MGAT5: variants seen among roughly 807,000 people sequenced by gnomAD.
The protein encoded by MGAT5 is alpha-1,6-mannosylglycoprotein 6-beta-N-acetylglucosaminyltransferase, also known as alpha-1,6-mannosylglycoprotein 6-beta-N-acetylglucosaminyltransferase A.
Under a neutral mutation model 94.3 loss-of-function variants are expected in MGAT5, and 30 were observed. That is an observed-to-expected ratio of 0.32 (90% CI 0.24 to 0.43). The LOEUF is 0.43. Among genes scored for constraint, MGAT5 ranks in the 20% least tolerant of loss-of-function variants. MGAT5 has a pLI of 1.00. For synonymous variants in MGAT5, 310 were observed against 322.9 expected (o/e 0.96, Z 0.43); for missense variants, 691 against 905.5 (o/e 0.76, Z 3.04).
At chr2:134,234,599 C>G (rs1681537605) in intron 1 of MGAT5, among the ~76,000 whole-genome samples, 1 of 150,836 alleles carries the variant, frequency 6.6e-6, no homozygotes, top group Non-Finnish European at 1.5e-5. Flanking sequence ...TTTCTGGATT[C>G]TGAGGCCTGC....
At chr2:134,253,164 C>A (rs1682720858), upstream of MGAT5, 1 of 152,228 alleles carries the variant, frequency 6.6e-6, no homozygotes, top group African/African-American at 2.4e-5. Flanking sequence ...CTTCAAGATC[C>A]TGCTACCATT....
At chr2:134,283,286 A>T (rs1684812313) in intron 2 of MGAT5, among the ~76,000 whole-genome samples, 1 of 133,828 alleles carries the variant, frequency 7.5e-6, no homozygotes, top group Admixed American at 7.4e-5. Context: ...GTGTCTGTGG[A>T]GGGAGGGCTG....
intron 2 of MGAT5, among the ~76,000 whole-genome samples, chr2:134,289,611 T>C (rs1448156133): frequency 6.6e-6 from 1 of 152,220 alleles, no homozygotes; most frequent in African/African-American, 2.4e-5. Flanking sequence ...ATCTTGGAAA[T>C]CCAGTTTCCT....
intron 10 of MGAT5, among the ~76,000 whole-genome samples, chr2:134,381,313 C>A (rs1416200670): frequency 8.6e-6 from 1 of 116,516 alleles, no homozygotes; most frequent in African/African-American, 3.0e-5. Context: ...GCCTGGGCAG[C>A]ATAGCAAGAC....
intron 1 of MGAT5, among the ~76,000 whole-genome samples, chr2:134,243,829 G>C (rs988639567): frequency 1.3e-5 from 2 of 152,186 alleles, no homozygotes; most frequent in Non-Finnish European, 2.9e-5. Context: ...CCCAGCCGGT[G>C]CTCCTCCCGA....
intron 12 of MGAT5, among the ~76,000 whole-genome samples, chr2:134,416,851 C>A (rs1275484691): frequency 1.3e-5 from 2 of 151,476 alleles, no homozygotes; most frequent in African/African-American, 4.9e-5. Flanking sequence ...GTGATCCCCC[C>A]CACCTCAGCC....
chr2:134,319,678 G>T, intron 4 of MGAT5: 1 of 328,928 alleles, frequency 3.0e-6, no homozygotes, highest in Non-Finnish European at 6.0e-6. Flanking sequence ...TTATCTTCAG[G>T]TCCTCTATGC....
At chr2:134,259,235 C>G (rs1395978311) in intron 1 of MGAT5, among the ~76,000 whole-genome samples, 1 of 151,978 alleles carries the variant, frequency 6.6e-6, no homozygotes, top group Non-Finnish European at 1.5e-5. Flanking sequence ...GCAGGTCAGC[C>G]CCATCTGCAT....
At chr2:134,125,905 T>C (rs986559021) in intron 1 of MGAT5, among the ~76,000 whole-genome samples, 3 of 152,240 alleles carry the variant, frequency 2.0e-5, no homozygotes, top group Admixed American at 1.3e-4. Context: ...TTCACTCTTA[T>C]TAATTCTCTG....
chr2:134,325,414 A>G (rs2105928394), intron 4 of MGAT5, among the ~76,000 whole-genome samples: 2 of 152,244 alleles, frequency 1.3e-5, no homozygotes, highest in Non-Finnish European at 2.9e-5. Flanking sequence ...ATGTACTACA[A>G]AAGAGTTTAA....
intron 1 of MGAT5, among the ~76,000 whole-genome samples, chr2:134,181,754 G>C (rs1213682869): frequency 6.6e-6 from 1 of 152,068 alleles, no homozygotes; most frequent in African/African-American, 2.4e-5. Flanking sequence ...CCACATGAAA[G>C]CTAATTTGGA....
At chr2:134,281,924 AAGG>A (rs1684722848) in intron 2 of MGAT5, among the ~76,000 whole-genome samples, 1 of 152,244 alleles carries the variant, frequency 6.6e-6, no homozygotes, top group Admixed American at 6.5e-5. Flanking sequence ...GGGTCGAGGC[AAGG>A]AGAAGATTAG....
intron 1 of MGAT5, among the ~76,000 whole-genome samples, chr2:134,222,910 T>C (rs1450369549): frequency 1.3e-5 from 2 of 152,198 alleles, no homozygotes; most frequent in East Asian, 1.9e-4. Flanking sequence ...GTTAAGCTAC[T>C]GTAAGCTTGG....
intron 1 of MGAT5, among the ~76,000 whole-genome samples, chr2:134,121,156 C>T (rs1377108383): frequency 6.6e-6 from 1 of 152,182 alleles, no homozygotes; most frequent in Non-Finnish European, 1.5e-5. Context: ...CTGGCCCCTG[C>T]CTCGCCTCAG....
intron 1 of MGAT5, among the ~76,000 whole-genome samples, chr2:134,155,807 GTTCT>G (rs1687446450): frequency 6.6e-6 from 1 of 151,984 alleles, no homozygotes. Flanking sequence ...TGCACATGGT[GTTCT>G]TTTTCTGAGA....
At chr2:134,447,061 A>G (rs1685825489) in intron 15 of MGAT5, among the ~76,000 whole-genome samples, 1 of 152,236 alleles carries the variant, frequency 6.6e-6, no homozygotes, top group Non-Finnish European at 1.5e-5. Flanking sequence ...ACATACACAT[A>G]CACATATGCA....
At chr2:134,424,479 C>T (rs1020774459) in intron 13 of MGAT5, among the ~76,000 whole-genome samples, 4 of 152,120 alleles carry the variant, frequency 2.6e-5, no homozygotes, top group Non-Finnish European at 4.4e-5. Context: ...CTCAGGAGAC[C>T]GAGCTGATAA....
rs1232670793 is a variant in MGAT5, at chr2:134,130,269, CCCACACCCT to C, written c.-143+9979_-143+9987del. On this transcript the variant is annotated intron_variant, in intron 1 of 16. Transcript: ENST00000409645. ...ACCGCCCCACACCGCCCCACACCGC[CCCACACCCT>C]GGCGGTGGGCTCCCGAGTGGCCTGA... is the stretch of plus-strand genomic sequence containing the variant. Among the ~76,000 whole-genome samples, 123 of 146,846 alleles carry C rather than the reference CCCACACCCT, an allele frequency of 8.4e-4. 7 individuals are homozygous for C. Among genetic ancestry groups the C allele is most frequent in the East Asian group, 5.7e-3 (29 of 5,060 alleles).
At chr2:134,441,546 A>C (rs1419919665) in intron 14 of MGAT5, among the ~76,000 whole-genome samples, 1 of 152,134 alleles carries the variant, frequency 6.6e-6, no homozygotes, top group East Asian at 1.9e-4. Context: ...CCCTGTCTTG[A>C]GGTTGAGTAA....
Sources: gnomAD v4.1 joint callset for allele counts (sites outside exome capture counted in the v4.1 genomes callset) on GRCh38, gnomAD v4.1.1 for gene constraint, MANE v1.5 for transcripts, NCBI Gene and HGNC (gene_info 2026-07-23, HGNC 2026-07-21) for gene names.